CYREN: variants seen among roughly 807,000 people sequenced by gnomAD.
CYREN encodes the protein cell cycle regulator of NHEJ.
Under a neutral mutation model 9.7 loss-of-function variants are expected in CYREN, and 7 were observed. The observed-to-expected ratio is 0.72, with a 90% CI of 0.41 to 1.36. The LOEUF (loss-of-function observed/expected upper bound fraction) is 1.36, where lower values mean the gene tolerates loss of function less well. Ranked by LOEUF, CYREN falls within the 40% of genes most tolerant of loss-of-function variation. CYREN has a pLI of 0.01. For missense variants in CYREN, 215 were observed against 198.1 expected, an observed-to-expected ratio of 1.09 and a Z score of -0.51; for synonymous variants, 76 against 77.9, an observed-to-expected ratio of 0.98 and a Z score of 0.13.
At chr7:135,143,101 C>T (rs1829482804) in intron 2 of CYREN, among the ~76,000 whole-genome samples, 1 of 152,128 alleles carries the variant, frequency 6.6e-6, no homozygotes, top group Admixed American at 6.6e-5. Context: ...AATCCCAGCA[C>T]TTTGGGAGGC....
exon 3 of CYREN, chr7:135,092,656 T>C (rs1822027011): frequency 6.6e-6 from 1 of 152,064 alleles, no homozygotes; most frequent in South Asian, 2.1e-4. Flanking sequence ...TCGGAGTTGT[T>C]TGTGGGTAGG....
Position 135,166,412 on chromosome 7 carries a change from C to T in CYREN, c.*199G>A, listed in dbSNP as rs1406709720. The T allele has an allele frequency of 7.0e-6, 5 of 711,876 alleles. No homozygotes were observed. The highest frequency in any genetic ancestry group is 2.5e-5 in the South Asian group (1 of 40,362). The allele number at this position is 711,876 out of a possible 1,614,324, so 44.1% of individuals were successfully genotyped here. A position where few individuals can be genotyped will look rare whatever the true frequency, so the allele number is the denominator to read the frequency against. On this transcript the variant is annotated 3_prime_UTR_variant, in exon 4 of 4. Coordinates refer to ENST00000393114, the MANE Select transcript of CYREN (RefSeq NM_024033.4). Reference sequence around the variant, plus strand: ...GGATCTCATTTTGAGTCCTGCCTTCCGCACACTCAGAACGGCAGCCCCAAG... The same window carrying T: ...GGATCTCATTTTGAGTCCTGCCTTCTGCACACTCAGAACGGCAGCCCCAAG...
chr7:135,127,049 A>G (rs1827973228), intron 2 of CYREN, among the ~76,000 whole-genome samples: 1 of 152,250 alleles, frequency 6.6e-6, no homozygotes, highest in East Asian at 1.9e-4. Context: ...GCTTCTGCAT[A>G]GCAAAAGAAA....
intron 2 of CYREN, among the ~76,000 whole-genome samples, chr7:135,105,575 G>C (rs1254836171): frequency 6.6e-6 from 1 of 152,070 alleles, no homozygotes; most frequent in Non-Finnish European, 1.5e-5. Flanking sequence ...CTCTCTATTT[G>C]GTTCCATTGG....
intron 2 of CYREN, chr7:135,148,071 C>T (rs1829583542): frequency 2.2e-6 from 1 of 456,186 alleles, no homozygotes; most frequent in Non-Finnish European, 4.4e-6. Context: ...TACCAAAGTT[C>T]AGAGAGCTGT....
intron 2 of CYREN, chr7:135,147,744 G>C: frequency 2.2e-6 from 1 of 456,052 alleles, no homozygotes; most frequent in South Asian, 1.5e-5. Context: ...CACACTGGCT[G>C]GGAGCTTGGA....
upstream of CYREN, among the ~76,000 whole-genome samples, chr7:135,171,331 A>C (rs1227506203): frequency 6.6e-6 from 1 of 151,076 alleles, no homozygotes; most frequent in Non-Finnish European, 1.5e-5. Flanking sequence ...TTTTTTAAAA[A>C]AAAAAGGAAG....
At chr7:135,130,727 T>C (rs947046410) in intron 2 of CYREN, among the ~76,000 whole-genome samples, 1 of 152,188 alleles carries the variant, frequency 6.6e-6, no homozygotes, top group African/African-American at 2.4e-5. Context: ...CCACTGTAGT[T>C]CCAGTCCTAA....
chr7:135,099,721 T>C (rs1368893456), intron 2 of CYREN, among the ~76,000 whole-genome samples: 1 of 152,094 alleles, frequency 6.6e-6, no homozygotes, highest in Non-Finnish European at 1.5e-5. Context: ...ATATTCTACA[T>C]AGTATCTGTG....
At position 135,167,953 on chromosome 7, in the gene CYREN, C is replaced by T. The variant is rs149779840; in HGVS notation, c.138-146G>A. The T allele has an allele frequency of 5.1e-5, 71 of 1,384,450 alleles. No homozygotes were observed. The East Asian group carries it at 1.3e-3, about 26-fold the overall frequency. The allele number at this position is 1,384,450 out of a possible 1,614,324, so 85.8% of individuals were successfully genotyped here. A position where few individuals can be genotyped will look rare whatever the true frequency, so the allele number is the denominator to read the frequency against. On this transcript the variant is annotated intron_variant, in intron 2 of 3. Coordinates refer to ENST00000393114, the MANE Select transcript of CYREN (RefSeq NM_024033.4). The stretch of plus-strand genomic sequence containing the variant: ...CTCTGAGCTGAGGAGCTTTCTGACA[C>T]GGACACAATTTCCTCAGCCTTGCAG...
chr7:135,152,217 G>A (rs2117428573), intron 2 of CYREN, among the ~76,000 whole-genome samples: 2 of 152,360 alleles, frequency 1.3e-5, no homozygotes, highest in South Asian at 4.1e-4. Context: ...GTGAATGGAA[G>A]AGCAGAGTCT....
At chr7:135,094,608 C>T (rs1386075915) in intron 2 of CYREN, 3 of 449,656 alleles carry the variant, frequency 6.7e-6, no homozygotes, top group Non-Finnish European at 1.3e-5. Flanking sequence ...GAAGAGTAAA[C>T]ATTGTGAAAT....
intron 2 of CYREN, among the ~76,000 whole-genome samples, chr7:135,118,229 C>A (rs944555486): frequency 1.3e-5 from 2 of 152,030 alleles, no homozygotes; most frequent in Admixed American, 6.6e-5. Context: ...TAGTTAATAC[C>A]TCACTATTTG....
intron 2 of CYREN, among the ~76,000 whole-genome samples, chr7:135,118,645 G>C (rs532153407): frequency 6.6e-6 from 1 of 152,210 alleles, no homozygotes; most frequent in South Asian, 2.1e-4. Context: ...CCAAGAACCA[G>C]GAAGATCTAA....
chr7:135,093,774 A>G (rs1462106162), exon 3 of CYREN: 1 of 152,216 alleles, frequency 6.6e-6, no homozygotes, highest in African/African-American at 2.4e-5. Flanking sequence ...TTATATGGAA[A>G]TACAAGGGAC....
At chr7:135,148,981 A>G (rs1562920806) in intron 2 of CYREN, among the ~76,000 whole-genome samples, 1 of 152,036 alleles carries the variant, frequency 6.6e-6, no homozygotes, top group Non-Finnish European at 1.5e-5. Flanking sequence ...GAAAAGACAC[A>G]TATTTCCTTC....
intron 2 of CYREN, among the ~76,000 whole-genome samples, chr7:135,107,048 T>C (rs1039092209): frequency 6.6e-6 from 1 of 152,172 alleles, no homozygotes; most frequent in Non-Finnish European, 1.5e-5. Flanking sequence ...GTGGGGTTAG[T>C]GGTAACATCC....
intron 2 of CYREN, among the ~76,000 whole-genome samples, chr7:135,127,140 A>T (rs2117295972): frequency 6.6e-6 from 1 of 152,178 alleles, no homozygotes. Flanking sequence ...TCTAATATCC[A>T]GAATTTACAT....
At chr7:135,169,279 CAG>C (rs762828618) in intron 1 of CYREN, 1 of 172,854 alleles carries the variant, frequency 5.8e-6, no homozygotes, top group East Asian at 1.6e-4. Flanking sequence ...CAAAGCCAAC[CAG>C]AGATACCTCC....
Sources: allele counts gnomAD v4.1 joint callset (sites outside exome capture counted in the v4.1 genomes callset), GRCh38; gene constraint gnomAD v4.1.1; transcripts MANE v1.5; gene names NCBI Gene and HGNC (gene_info 2026-07-23, HGNC 2026-07-21).